Variants in GPHN observed in about 807,000 individuals in gnomAD.
GPHN encodes gephyrin.
A neutral mutation model predicts 95.5 loss-of-function variants in GPHN; 17 were observed. The ratio of observed to expected loss-of-function variants is 0.18; its 90% CI spans 0.12 to 0.27. The LOEUF is 0.27. GPHN is among the 10% of genes least tolerant of loss of function. The pLI, the probability that GPHN is intolerant of heterozygous loss-of-function variation, is 1.00. For missense variants in GPHN, 660 were observed against 978.1 expected (o/e 0.67, Z 4.34); for synonymous variants, 320 against 322.5 (o/e 0.99, Z 0.08).
intron 1 of GPHN, among the ~76,000 whole-genome samples, chr14:66,637,276 T>C (rs888364853): frequency 6.6e-6 from 1 of 152,152 alleles, no homozygotes. Flanking sequence ...AAATACAAAA[T>C]CTTTGCAGTT....
At chr14:67,656,820 T>TA in the GPHN span, among the ~76,000 whole-genome samples, 46 of 152,266 alleles carry the variant, frequency 3.0e-4, 1 homozygote, top group African/African-American at 1.1e-3. Flanking sequence ...CTTTTACACT[T>TA]ACGCGAGGCA....
chr14:67,110,048 AT>A, intron 13 of GPHN, 91 bp from the exon 14 acceptor site: 1 of 1,113,778 alleles, frequency 9.0e-7, no homozygotes, highest in East Asian at 2.6e-5. Flanking sequence ...TTTATGGTTT[AT>A]TTTTTAATAT....
chr14:66,991,430 G>T (rs1026707468), intron 9 of GPHN, among the ~76,000 whole-genome samples: 1 of 151,956 alleles, frequency 6.6e-6, no homozygotes, highest in Non-Finnish European at 1.5e-5. Flanking sequence ...TAATGCACAG[G>T]CTTGAAGGCC....
intron 11 of GPHN, 79 bp downstream of exon 11, chr14:67,058,865 T>C (rs1441051134): frequency 8.2e-7 from 1 of 1,218,998 alleles, no homozygotes; most frequent in Admixed American, 1.7e-5. Flanking sequence ...AATGCACAGT[T>C]TTCCTGAAAA....
the GPHN span, among the ~76,000 whole-genome samples, chr14:67,474,121 C>A: frequency 6.6e-6 from 1 of 152,090 alleles, no homozygotes; most frequent in Non-Finnish European, 1.5e-5. Flanking sequence ...GCGTGGTGGC[C>A]CGCTCCTGTA....
At chr14:66,799,922 A>G (rs1253335396) in intron 3 of GPHN, among the ~76,000 whole-genome samples, 4 of 151,850 alleles carry the variant, frequency 2.6e-5, no homozygotes, top group Admixed American at 1.3e-4. Flanking sequence ...TTCTCTGGTG[A>G]TATGACTTAG....
At chr14:67,071,638 AAAATTT>A (rs889304879) in intron 11 of GPHN, among the ~76,000 whole-genome samples, 45 of 152,150 alleles carry the variant, frequency 3.0e-4, no homozygotes, top group African/African-American at 9.6e-4. Flanking sequence ...ATAATAATAA[AAAATTT>A]AAATTTAAAT....
At chr14:66,818,038 A>T (rs2061048278) in intron 3 of GPHN, among the ~76,000 whole-genome samples, 1 of 152,164 alleles carries the variant, frequency 6.6e-6, no homozygotes, top group Non-Finnish European at 1.5e-5. Flanking sequence ...TTATTTCTAA[A>T]CTTACTGACC....
intron 2 of GPHN, among the ~76,000 whole-genome samples, chr14:66,720,218 T>C (rs963328340): frequency 5.9e-5 from 9 of 152,106 alleles, no homozygotes; most frequent in African/African-American, 2.2e-4. Context: ...TGTCTAAAGA[T>C]TGTCTAAAAA....
chr14:67,590,692 G>GGGTATAAATGACACAGCAGT, the GPHN span, among the ~76,000 whole-genome samples: 2 of 152,098 alleles, frequency 1.3e-5, no homozygotes, highest in African/African-American at 4.8e-5. Flanking sequence ...CCACATCAAG[G>GGGTATAAATGACACAGCAGT]GGTATAAATG....
chr14:67,251,272 G>T, the GPHN span, among the ~76,000 whole-genome samples: 1 of 152,184 alleles, frequency 6.6e-6, no homozygotes, highest in South Asian at 2.1e-4. Flanking sequence ...AGTGGCTCAT[G>T]CCTGAAATCC....
At chr14:66,970,091 T>G (rs1037385978) in intron 9 of GPHN, among the ~76,000 whole-genome samples, 4 of 151,078 alleles carry the variant, frequency 2.6e-5, no homozygotes, top group Non-Finnish European at 4.4e-5. Context: ...TTGTGTTTTT[T>G]TTTTTTTTTT....
At chr14:67,572,832 C>G in the GPHN span, among the ~76,000 whole-genome samples, 1 of 152,226 alleles carries the variant, frequency 6.6e-6, no homozygotes, top group Non-Finnish European at 1.5e-5. Context: ...CCCTCCAGTC[C>G]TGCCTGGCTG....
At chr14:67,566,296 C>A in the GPHN span, among the ~76,000 whole-genome samples, 2 of 108 alleles carry the variant, frequency 0.019, no homozygotes, top group Non-Finnish European at 0.036. Flanking sequence ...AGCACTGGTC[C>A]CCCTGGGCTG....
chr14:66,983,445 T>G (rs1387628731), intron 9 of GPHN, among the ~76,000 whole-genome samples: 1 of 152,150 alleles, frequency 6.6e-6, no homozygotes, highest in East Asian at 1.9e-4. Context: ...CTTTCTGAAG[T>G]TTTTCAGTAT....
chr14:67,287,357 G>GA, the GPHN span, among the ~76,000 whole-genome samples: 1 of 151,336 alleles, frequency 6.6e-6, no homozygotes, highest in African/African-American at 2.4e-5. Flanking sequence ...TCTGATATAA[G>GA]AAAAAAGGAT....
At chr14:67,724,578 G>A in the GPHN span, 1 of 1,613,174 alleles carries the variant, frequency 6.2e-7, no homozygotes. Context: ...CGGCCAGAGA[G>A]CTCGCTAGCC....
the GPHN span, among the ~76,000 whole-genome samples, chr14:67,549,465 T>A: frequency 2.6e-5 from 4 of 152,106 alleles, no homozygotes; most frequent in Non-Finnish European, 2.9e-5. Flanking sequence ...GCGACGGGGT[T>A]TCACCATGTT....
At chr14:67,200,428 C>T in the GPHN span, 3 of 512,926 alleles carry the variant, frequency 5.8e-6, no homozygotes, top group Non-Finnish European at 1.0e-5. Flanking sequence ...GCACTAATCC[C>T]TTTCAGCACC....
Sources: gnomAD v4.1 joint callset for allele counts (sites outside exome capture counted in the v4.1 genomes callset) on GRCh38, gnomAD v4.1.1 for gene constraint, MANE v1.5 for transcripts, NCBI Gene and HGNC (gene_info 2026-07-23, HGNC 2026-07-21) for gene names.